PHLDB1: variants seen among roughly 807,000 people sequenced by gnomAD.
PHLDB1 encodes the protein pleckstrin homology like domain family B member 1, also known as pleckstrin homology-like domain family B member 1.
PHLDB1 carries 65 observed loss-of-function variants against 139.3 expected under a neutral mutation model. The ratio of observed to expected loss-of-function variants is 0.47; its 90% CI spans 0.38 to 0.57. PHLDB1 has a LOEUF of 0.57. Ranked by LOEUF, PHLDB1 falls within the 20% of genes least tolerant of loss-of-function variation. PHLDB1 has a pLI of 0.00. For synonymous variants in PHLDB1, 679 were observed against 734.5 expected (o/e 0.92, Z 1.22); for missense variants, 1,624 against 1,839.7 (o/e 0.88, Z 2.14).
chr11:118,624,670 C>T, intron 4 of PHLDB1: 1 of 305,004 alleles, frequency 3.3e-6, no homozygotes, highest in Non-Finnish European at 6.0e-6. Context: ...GGCATGATCT[C>T]AGCTCACTGC....
chr11:118,642,143 CTTCT>C (rs1223591023), intron 12 of PHLDB1, 107 bp from the exon 13 acceptor site: 1 of 1,031,038 alleles, frequency 9.7e-7, no homozygotes, highest in Non-Finnish European at 1.5e-6. Flanking sequence ...CCTTCTTCCT[CTTCT>C]TTCTTCTTTC....
intron 17 of PHLDB1, 127 bp from the exon 18 acceptor site, chr11:118,647,803 A>C: frequency 1.0e-6 from 1 of 978,296 alleles, no homozygotes; most frequent in Non-Finnish European, 1.5e-6. Context: ...GTGGGCTTTG[A>C]AGATGATGCC....
chr11:118,648,110 T>C (rs782715670), intron 18 of PHLDB1, 34 bp downstream of exon 18: 3 of 1,605,648 alleles, frequency 1.9e-6, no homozygotes, highest in Non-Finnish European at 2.6e-6. Flanking sequence ...GGTGGTTGGT[T>C]TGACGGTGAG....
intron 15 of PHLDB1, 43 bp downstream of exon 15, chr11:118,644,217 C>T (rs1555124722): frequency 7.0e-7 from 1 of 1,420,108 alleles, no homozygotes; most frequent in Non-Finnish European, 9.8e-7. Flanking sequence ...CCTGAGGGGA[C>T]CCTGGGTAGT....
At chr11:118,621,787 C>T (rs1591516575) in intron 4 of PHLDB1, among the ~76,000 whole-genome samples, 1 of 152,128 alleles carries the variant, frequency 6.6e-6, no homozygotes, top group East Asian at 1.9e-4. Flanking sequence ...GCAGTCCCCT[C>T]CTTAGGACCC....
At chr11:118,649,654 A>G (rs1296864065) in intron 18 of PHLDB1, among the ~76,000 whole-genome samples, 5 of 152,154 alleles carry the variant, frequency 3.3e-5, no homozygotes, top group Admixed American at 6.5e-5. Context: ...GGCGTTTTAC[A>G]TGGAAGGAAA....
rs782206998 is a variant in PHLDB1, at chr11:118,616,092, G to A, written c.236G>A (p.Gly79Asp). ...AGAGACATCTCACTACAGGGCCCAG[G>A]CCTGGCTCCAGAGCACTGCTACATC... ...AARDISLQGP[G>D]LAPEHCYIEN... Residue 79 changes from glycine (G) to aspartate (D), a missense_variant, in exon 4 of 23, where the codon GGC (glycine) becomes GAC (aspartate). Physicochemically the swap from Gly to Asp is moderately conservative, Grantham distance 94. Transcript: ENST00000600882. The A allele has an allele frequency of 5.6e-6, 9 of 1,613,978 alleles. 1 individual carries two copies. Among genetic ancestry groups the A allele is most frequent in the Middle Eastern group, 3.3e-4 (2 of 6,084 alleles).
At chr11:118,619,617 C>A (rs1942352282) in intron 4 of PHLDB1, among the ~76,000 whole-genome samples, 1 of 152,204 alleles carries the variant, frequency 6.6e-6, no homozygotes, top group African/African-American at 2.4e-5. Flanking sequence ...TAGGTCTATC[C>A]AGCTGGCCCT....
intron 1 of PHLDB1, among the ~76,000 whole-genome samples, chr11:118,609,399 T>C: frequency 7.7e-6 from 1 of 129,112 alleles, no homozygotes; most frequent in Non-Finnish European, 1.6e-5. Flanking sequence ...ACAGCCCAGC[T>C]GACACACGCA....
At position 118,650,205 on chromosome 11, in the gene PHLDB1, G is replaced by C; in HGVS notation, c.3771+12G>C. The stretch of plus-strand genomic sequence containing the variant: ...TGCTCAGCAGCAAGGTACAAGGCGT[G>C]TGTGGCCCTGGGGTGCTGGGGAGAG... On this transcript the variant is annotated intron_variant, in intron 19 of 22. Transcript: ENST00000600882. This position sits in a 1 kb window ranked among gnomAD's most constrained non-coding sequence, Gnocchi z 4.7. 6.3e-7 allele frequency: 1 copy of C among 1,591,186 alleles called. No homozygotes were observed. Among genetic ancestry groups the C allele is most frequent in the Non-Finnish European group, 8.6e-7 (1 of 1,159,112 alleles).
chr11:118,633,259 G>A (rs939947536), intron 9 of PHLDB1: 2 of 152,272 alleles, frequency 1.3e-5, no homozygotes, highest in Non-Finnish European at 2.9e-5. Context: ...GGACCCCAGA[G>A]TTTTTATATG....
intron 17 of PHLDB1, chr11:118,646,710 G>A (rs910842719): frequency 1.3e-5 from 2 of 152,182 alleles, no homozygotes; most frequent in African/African-American, 4.8e-5. Flanking sequence ...TAGGAAGGAG[G>A]ATAAATAAAG....
chr11:118,617,950 C>T (rs1439670591), intron 4 of PHLDB1, among the ~76,000 whole-genome samples: 2 of 152,162 alleles, frequency 1.3e-5, no homozygotes, highest in East Asian at 1.9e-4. Flanking sequence ...TTACCACCCC[C>T]GCCCCAAACC....
At chr11:118,626,991 T>A (rs1453242581) in intron 5 of PHLDB1, 3 of 371,404 alleles carry the variant, frequency 8.1e-6, no homozygotes, top group African/African-American at 6.5e-5. Context: ...AGGATATAGA[T>A]TGGAGGAGTC....
In PHLDB1 at chr11:118,628,333, G is replaced by T; in HGVS notation, c.1510G>T (p.Asp504Tyr). 1 of 1,612,758 alleles carries T rather than the reference G, an allele frequency of 6.2e-7. No homozygotes were observed. The highest frequency in any genetic ancestry group is 8.5e-7 in the Non-Finnish European group (1 of 1,179,496). Residue 504 changes from aspartate to tyrosine, a missense_variant, in exon 6 of 23, where the codon GAC becomes TAC. Transcript: ENST00000600882. ...GGCAGCCCATGGGGCTTCACCAGAG[G>T]ACTTCTCCCTGACGCTGGGGGCACG... The part of the protein sequence containing the change: ...RWAAHGASPE[D>Y]FSLTLGARGR...
In PHLDB1 at chr11:118,643,786, T is replaced by C. The variant is rs377416702; in HGVS notation, c.2878-14T>C. On this transcript the variant is annotated splice_polypyrimidine_tract_variant and intron_variant, in intron 13 of 22. Transcript: ENST00000600882. ...GGGAGCCAGGAATCACTGGGCACTA[T>C]CTTTTCTTTCCAGGTTTACCGCTCC... 6.2e-6 allele frequency: 10 copies of C among 1,613,928 alleles called. No individual in the cohort carries two copies. The highest frequency in any genetic ancestry group is 1.6e-4 in the Middle Eastern group (1 of 6,082).
chr11:118,616,204 C>T lies in PHLDB1; in HGVS notation c.348C>T (p.Leu116=). ...DGLPVRQPTR[L]TQGCMLCLGQ... ...TCCCTGTCCGGCAGCCTACCCGGCTCACTCAGGGTAAGGCTGGACACCTCC... is the reference window on the plus strand; with the variant it reads ...TCCCTGTCCGGCAGCCTACCCGGCTTACTCAGGGTAAGGCTGGACACCTCC... The change falls in exon 4 of 23, where the codon CTC becomes CTT. Residue 116 remains leucine (L), a synonymous_variant. Coordinates refer to ENST00000600882, the MANE Select transcript of PHLDB1 (RefSeq NM_001144758.3). 6.2e-7 allele frequency: 1 copy of T among 1,613,826 alleles called. No homozygotes were observed. The highest frequency in any genetic ancestry group is 8.5e-7 in the Non-Finnish European group (1 of 1,179,896).
Position 118,643,938 on chromosome 11 carries a change from A to G in PHLDB1, c.3016A>G (p.Lys1006Glu), listed in dbSNP as rs1181709670. The change falls in exon 14 of 23, where the codon AAG becomes GAG. Residue 1006 changes from lysine to glutamate, a missense_variant and splice_region_variant. Transcript: ENST00000600882. The part of the protein sequence containing the change: ...VATLGRSPSP[K>E]SALLTQNGTG... ...TACCCTGGGGCGTAGCCCCTCCCCAAAGGTCTGAGGACAGTGGGTGGGGCT... is the reference window on the plus strand; with the variant it reads ...TACCCTGGGGCGTAGCCCCTCCCCAGAGGTCTGAGGACAGTGGGTGGGGCT... 1.3e-6 allele frequency: 2 copies of G among 1,597,294 alleles called. No individual in the cohort carries two copies. The highest frequency in any genetic ancestry group is 2.7e-5 in the African/African-American group (2 of 74,588).
In PHLDB1 at chr11:118,656,725, C is replaced by T. The variant is rs1555142131; in HGVS notation, c.4036C>T (p.Arg1346Trp). 2.5e-6 allele frequency: 4 copies of T among 1,613,952 alleles called. No homozygotes were observed. The highest frequency in any genetic ancestry group is 1.7e-5 in the Admixed American group (1 of 60,018). Residue 1346 changes from arginine (R) to tryptophan (W), a missense_variant, in exon 23 of 23, where the codon CGG becomes TGG. Transcript: ENST00000600882. ...CACCTTCTGCGTAAAGACCCATGACCGGCTGTACTACATGGTGGCCCCATC... is the reference window on the plus strand; with the variant it reads ...CACCTTCTGCGTAAAGACCCATGACTGGCTGTACTACATGGTGGCCCCATC... The part of the protein sequence containing the change: ...ALTFCVKTHD[R>W]LYYMVAPSAE...
Sources: gnomAD v4.1 joint callset for allele counts (sites outside exome capture counted in the v4.1 genomes callset) on GRCh38, gnomAD v4.1.1 for gene constraint, Gnocchi (gnomAD v3.1) non-coding constraint, MANE v1.5 for transcripts, NCBI Gene and HGNC (gene_info 2026-07-23, HGNC 2026-07-21) for gene names.